Variants in H6PD observed in about 807,000 individuals in gnomAD.
H6PD encodes hexose-6-phosphate dehydrogenase/glucose 1-dehydrogenase, also known as GDH/6PGL endoplasmic bifunctional protein.
Under a neutral mutation model 61.2 loss-of-function variants are expected in H6PD, and 48 were observed. The observed-to-expected ratio is 0.78, with a 90% CI of 0.62 to 1.00. The LOEUF (loss-of-function observed/expected upper bound fraction) is 1.00. H6PD is among the 50% of genes least tolerant of loss of function. The pLI is 0.00. For missense variants in H6PD, 1,093 were observed against 1,065.0 expected (o/e 1.03, Z -0.37); for synonymous variants, 480 against 457.9 (o/e 1.05, Z -0.62).
Position 9,245,459 on chromosome 1 carries a change from C to G in H6PD, c.525C>G (p.Pro175=). ...GGCTGCGGGTTGTCCTTGAGAAACC[C>G]TTTGGCCATGACCACTTCTCAGCCC... The part of the protein sequence containing the change: ...GAWLRVVLEK[P]FGHDHFSAQQ... The change falls in exon 2 of 5, where the codon CCC becomes CCG. Residue 175 remains proline (P), a synonymous_variant. Coordinates refer to ENST00000377403, the MANE Select transcript of H6PD (RefSeq NM_004285.4). The surrounding 1 kb of genome is among the most constrained non-coding windows in gnomAD (Gnocchi z 4.8). The G allele has an allele frequency of 6.2e-7, 1 of 1,614,150 alleles. No homozygotes were observed. Among genetic ancestry groups the G allele is most frequent in the Non-Finnish European group, 8.5e-7 (1 of 1,180,008 alleles).
intron 1 of H6PD, among the ~76,000 whole-genome samples, chr1:9,235,404 G>A (rs529047218): frequency 9.9e-5 from 15 of 152,068 alleles, no homozygotes; most frequent in African/African-American, 3.4e-4. Flanking sequence ...GTTTTCCAGG[G>A]GCAAACCTCT....
At chr1:9,260,380 GTGT>G (rs1641684454) in intron 3 of H6PD, among the ~76,000 whole-genome samples, 2 of 151,560 alleles carry the variant, frequency 1.3e-5, no homozygotes, top group South Asian at 2.1e-4. Context: ...TGTTACACCA[GTGT>G]TGTTATGTTG....
chr1:9,238,812 C>T (rs2100304603), intron 1 of H6PD, among the ~76,000 whole-genome samples: 1 of 152,176 alleles, frequency 6.6e-6, no homozygotes, highest in East Asian at 1.9e-4. Flanking sequence ...GTAATGTTTA[C>T]CAACTGACTC....
intron 3 of H6PD, among the ~76,000 whole-genome samples, chr1:9,258,886 G>A (rs1373241075): frequency 3.3e-5 from 5 of 152,296 alleles, no homozygotes; most frequent in Admixed American, 6.5e-5. Context: ...TTACGCTGGT[G>A]TTGTTATGTT....
rs1638724066 is a variant in H6PD at position 9,270,812 on chromosome 1, A to G, written c.*5943A>G. On this transcript the variant is annotated 3_prime_UTR_variant, in exon 5 of 5. Coordinates refer to ENST00000377403, the MANE Select transcript of H6PD (RefSeq NM_004285.4). ...TTCCCTTGGGTGGAGAGGTGTGGGC[A>G]TGAGAGCCACCCATTGCCAAGCAGC... The G allele has an allele frequency of 2.0e-5, 3 of 152,268 alleles. No individual in the cohort carries two copies. In the South Asian group the frequency reaches 6.2e-4, roughly 31 times the overall value. 9.4% of individuals were successfully genotyped at this position (152,268 alleles called of 1,614,324 possible).
chr1:9,237,921 C>A (rs1640896475), intron 1 of H6PD, among the ~76,000 whole-genome samples: 1 of 152,122 alleles, frequency 6.6e-6, no homozygotes, highest in Non-Finnish European at 1.5e-5. Context: ...CTGCGGAGAA[C>A]AAAACAAACA....
chr1:9,261,834 G>A (rs565603243), intron 3 of H6PD, among the ~76,000 whole-genome samples: 6 of 152,228 alleles, frequency 3.9e-5, no homozygotes, highest in Non-Finnish European at 8.8e-5. Flanking sequence ...CGGATTTGAC[G>A]CCTTCTCTTA....
At position 9,239,854 on chromosome 1, in the gene H6PD, G is replaced by A. The variant is rs141044231; in HGVS notation, c.-11+4788G>A. On this transcript the variant is annotated intron_variant, in intron 1 of 4. Coordinates refer to ENST00000377403, the MANE Select transcript of H6PD (RefSeq NM_004285.4). ...TTCCTCCTGTGGTTTACCAGAAAAC[G>A]CTCTGCGGCTAGAGCTTCAGCACAG... is the stretch of plus-strand genomic sequence containing the variant. The A allele has an allele frequency of 7.1e-4, 320 of 449,572 alleles. 3 individuals are homozygous for A. Among genetic ancestry groups the A allele is most frequent in the African/African-American group, 6.0e-3 (297 of 49,624 alleles). 27.8% of individuals were successfully genotyped at this position (449,572 alleles called of 1,614,324 possible).
chr1:9,240,247 C>T (rs1640957785), intron 1 of H6PD, among the ~76,000 whole-genome samples: 1 of 152,176 alleles, frequency 6.6e-6, no homozygotes, highest in Non-Finnish European at 1.5e-5. Context: ...GAAATTGCAT[C>T]CTCCACACAC....
intron 3 of H6PD, among the ~76,000 whole-genome samples, chr1:9,250,140 AG>A (rs1483727911): frequency 6.6e-6 from 1 of 152,160 alleles, no homozygotes; most frequent in Non-Finnish European, 1.5e-5. Context: ...CAGCATGGCC[AG>A]GAGCCCTGTG....
intron 1 of H6PD, among the ~76,000 whole-genome samples, chr1:9,244,407 A>G (rs1457556122): frequency 6.6e-6 from 1 of 152,210 alleles, no homozygotes; most frequent in Non-Finnish European, 1.5e-5. Flanking sequence ...ACTATGCTGT[A>G]GCAGTTATTA....
Position 9,266,055 on chromosome 1 carries a change from C to A in H6PD, c.*1186C>A, listed in dbSNP as rs910306635. On this transcript the variant is annotated 3_prime_UTR_variant, in exon 5 of 5. Coordinates refer to ENST00000377403, the MANE Select transcript of H6PD (RefSeq NM_004285.4). The stretch of plus-strand genomic sequence containing the variant: ...GCTCTCAATAGCCCCTCTTGTTTTA[C>A]CAGGAAAGATCCAGTTAAATCACCC... 1 of 152,298 alleles carries A rather than the reference C, an allele frequency of 6.6e-6. No individual in the cohort carries two copies. The highest frequency in any genetic ancestry group is 1.5e-5 in the Non-Finnish European group (1 of 68,078). The allele number at this position is 152,298 out of a possible 1,614,324, so 9.4% of individuals were successfully genotyped here. A position where few individuals can be genotyped will look rare whatever the true frequency, so the allele number is the denominator to read the frequency against.
intron 1 of H6PD, among the ~76,000 whole-genome samples, chr1:9,240,455 C>T (rs1158470529): frequency 1.3e-5 from 2 of 152,134 alleles, no homozygotes; most frequent in African/African-American, 4.8e-5. Flanking sequence ...GAAAACAGGA[C>T]TTAGGGACAC....
Position 9,263,589 on chromosome 1 carries a change from G to C in H6PD, c.1096G>C (p.Val366Leu), listed in dbSNP as rs1240602373. The change falls in exon 5 of 5, where the codon GTG (valine) becomes CTG (leucine). Residue 366 changes from valine to leucine, a missense_variant. Coordinates refer to ENST00000377403, the MANE Select transcript of H6PD (RefSeq NM_004285.4). The stretch of plus-strand genomic sequence containing the variant: ...GTCTGGCAAAGCCTTGGACGAGAGA[G>C]TGGGCTACGCTCGGATCTTGTTCAA... ...LMSGKALDER[V>L]GYARILFKNQ... 6.2e-7 allele frequency: 1 copy of C among 1,614,238 alleles called. No individual in the cohort carries two copies. Among genetic ancestry groups the C allele is most frequent in the Non-Finnish European group, 8.5e-7 (1 of 1,180,016 alleles).
At position 9,234,776 on chromosome 1, in the gene H6PD, T is replaced by C. The variant is rs1640801760; in HGVS notation, c.-301T>C. 1 of 144,252 alleles carries C rather than the reference T, an allele frequency of 6.9e-6. No individual in the cohort carries two copies. Among genetic ancestry groups the C allele is most frequent in the Non-Finnish European group, 1.5e-5 (1 of 65,380 alleles). 8.9% of individuals were successfully genotyped at this position (144,252 alleles called of 1,614,324 possible). A position where few individuals can be genotyped will look rare whatever the true frequency, so the allele number is the denominator to read the frequency against. Reference sequence around the variant, plus strand: ...CGCGCGCCCCCGGCCCGGGCCCCAGTCTTGCTGAGCGCAAGGCGGTGGAGG... The same window carrying C: ...CGCGCGCCCCCGGCCCGGGCCCCAGCCTTGCTGAGCGCAAGGCGGTGGAGG... On this transcript the variant is annotated 5_prime_UTR_variant, in exon 1 of 5. Coordinates refer to ENST00000377403, the MANE Select transcript of H6PD (RefSeq NM_004285.4).
In H6PD at chr1:9,245,276, C is replaced by T. The variant is rs138024142; in HGVS notation, c.342C>T (p.Ala114=). ...GCCAGTACCGCCAACTGAAGACGGC[C>T]GAGGACTATCAGGCCCTGAACAAGG... ...QLSQYRQLKT[A]EDYQALNKDI... The change falls in exon 2 of 5, where the codon GCC becomes GCT. Residue 114 remains alanine (A), a synonymous_variant. Transcript: ENST00000377403. The surrounding 1 kb of genome is among the most constrained non-coding windows in gnomAD (Gnocchi z 4.8). The T allele has an allele frequency of 8.8e-4, 1,427 of 1,614,192 alleles. 3 individuals carry two copies. The highest frequency in any genetic ancestry group is 2.1e-3 in the Middle Eastern group (13 of 6,062).
chr1:9,257,845 C>T (rs1210131606), intron 3 of H6PD, among the ~76,000 whole-genome samples: 3 of 152,248 alleles, frequency 2.0e-5, no homozygotes, highest in Non-Finnish European at 4.4e-5. Context: ...GCCAGGCTCT[C>T]TCTGTAGGTG....
intron 1 of H6PD, among the ~76,000 whole-genome samples, chr1:9,237,234 C>CTTTTTTTTTT (rs1557733262): frequency 1.3e-5 from 1 of 74,690 alleles, no homozygotes; most frequent in African/African-American, 5.4e-5. Flanking sequence ...TATTTGACTT[C>CTTTTTTTTTT]TCTTTTTTTT....
rs780502365 is a variant in H6PD at position 9,264,235 on chromosome 1, GCTTTGGCCAGTTCCACCTGGCA to G, written c.1745_1766del (p.Phe582CysfsTer130). ...GCCACCGCTGTGCGAGCCGTGCGGC[GCTTTGGCCAGTTCCACCTGGCA>G]CTGTCGGGGGGCTCGAGCCCCGTGG... is the stretch of plus-strand genomic sequence containing the variant. On this transcript the variant is annotated frameshift_variant, in exon 5 of 5. Transcript: ENST00000377403. LOFTEE classifies it high-confidence loss of function. 4.5e-5 allele frequency: 73 copies of G among 1,610,424 alleles called. No individual in the cohort carries two copies. The highest frequency in any genetic ancestry group is 4.6e-5 in the Non-Finnish European group (54 of 1,179,202).
Sources: gnomAD v4.1 joint callset for allele counts (sites outside exome capture counted in the v4.1 genomes callset) on GRCh38, gnomAD v4.1.1 for gene constraint, Gnocchi (gnomAD v3.1) non-coding constraint, MANE v1.5 for transcripts, NCBI Gene and HGNC (gene_info 2026-07-23, HGNC 2026-07-21) for gene names.